Variants in ROR2 observed in about 807,000 individuals in gnomAD.
ROR2 encodes tyrosine-protein kinase transmembrane receptor ROR2.
ROR2 carries 33 observed loss-of-function variants against 74.9 expected under a neutral mutation model. That is an observed-to-expected ratio of 0.44 (90% CI 0.33 to 0.59). The LOEUF (loss-of-function observed/expected upper bound fraction) is 0.59. Among genes scored for constraint, ROR2 ranks in the 20% least tolerant of loss-of-function variants. The pLI is 0.02. For missense variants in ROR2, 1,216 were observed against 1,313.8 expected, an observed-to-expected ratio of 0.93 and a Z score of 1.15; for synonymous variants, 586 against 558.7, an observed-to-expected ratio of 1.05 and a Z score of -0.69.
intron 1 of ROR2, among the ~76,000 whole-genome samples, chr9:91,920,778 A>G (rs1322472105): frequency 6.6e-6 from 1 of 152,224 alleles, no homozygotes; most frequent in Non-Finnish European, 1.5e-5. Flanking sequence ...TGACAGAGCT[A>G]CAGGCAGAAG....
intron 1 of ROR2, among the ~76,000 whole-genome samples, chr9:91,813,432 C>T (rs528530770): frequency 2.6e-4 from 39 of 152,248 alleles, no homozygotes; most frequent in South Asian, 1.2e-3. Flanking sequence ...TTGGGGCTGG[C>T]GCGTCTGGGT....
At chr9:91,792,303 C>CTTTTTTTTTTTTT (rs1358505448) in intron 1 of ROR2, among the ~76,000 whole-genome samples, 1 of 142,332 alleles carries the variant, frequency 7.0e-6, no homozygotes. Flanking sequence ...AAAGTTGGTT[C>CTTTTTTTTTTTTT]TATTTTTTTT....
In ROR2 at chr9:91,881,081, G is replaced by C. The variant is rs557438843; in HGVS notation, c.97+68786C>G. Among the ~76,000 whole-genome samples, 26 of 152,300 alleles carry C rather than the reference G, an allele frequency of 1.7e-4. No individual in the cohort carries two copies. In the South Asian group the frequency reaches 4.6e-3, roughly 27 times the overall value. ...GCCGCTTACTTTCAGATGGCTAGAG[G>C]GGGGAGAAGGAACTTCCATATACTC... is the stretch of plus-strand genomic sequence containing the variant. On this transcript the variant is annotated intron_variant, in intron 1 of 8. Transcript: ENST00000375708.
intron 4 of ROR2, among the ~76,000 whole-genome samples, chr9:91,745,426 A>ATTTTTTTTTT (rs72432798): frequency 1.0e-5 from 1 of 99,736 alleles, no homozygotes; most frequent in Non-Finnish European, 1.8e-5. Context: ...TGCCCAGCCT[A>ATTTTTTTTTT]TTTTTTTTTT....
At chr9:91,898,014 A>C (rs1471033975) in intron 1 of ROR2, among the ~76,000 whole-genome samples, 1 of 151,846 alleles carries the variant, frequency 6.6e-6, no homozygotes, top group Non-Finnish European at 1.5e-5. Context: ...CTCCATCCTG[A>C]CCTTGCCACG....
chr9:91,824,273 C>A (rs1828219511), intron 1 of ROR2, among the ~76,000 whole-genome samples: 4 of 152,180 alleles, frequency 2.6e-5, no homozygotes, highest in African/African-American at 9.6e-5. Flanking sequence ...ACATCCAAGC[C>A]CCTTGGATTA....
At chr9:91,868,844 C>T (rs1829713417) in intron 1 of ROR2, among the ~76,000 whole-genome samples, 1 of 152,220 alleles carries the variant, frequency 6.6e-6, no homozygotes, top group East Asian at 1.9e-4. Flanking sequence ...GAATTAATAC[C>T]AGAAAGAGAA....
At chr9:91,836,136 CTTTCCTTT>C (rs1048548469) in intron 1 of ROR2, among the ~76,000 whole-genome samples, 2 of 152,192 alleles carry the variant, frequency 1.3e-5, no homozygotes, top group Admixed American at 1.3e-4. Context: ...TGGCCTCCTT[CTTTCCTTT>C]GTCATCTGGT....
In ROR2 at chr9:91,725,074, T is replaced by C; in HGVS notation, c.1420A>G (p.Arg474Gly). 6.2e-7 allele frequency: 1 copy of C among 1,613,926 alleles called. No homozygotes were observed. The highest frequency in any genetic ancestry group is 8.5e-7 in the Non-Finnish European group (1 of 1,179,992). The change falls in exon 9 of 9, where the codon AGG (arginine) becomes GGG (glycine). Residue 474 changes from arginine (R) to glycine (G), a missense_variant. Transcript: ENST00000375708. ...KLKEISLSAV[R>G]FMEELGEDRF... ...TCCTCTCCCAGCTCCTCCATGAACCTCACCGCAGACAGGCTGATCTCTTTG... is the reference window on the plus strand; with the variant it reads ...TCCTCTCCCAGCTCCTCCATGAACCCCACCGCAGACAGGCTGATCTCTTTG...
At chr9:91,815,732 T>C (rs767671714) in intron 1 of ROR2, among the ~76,000 whole-genome samples, 5 of 152,248 alleles carry the variant, frequency 3.3e-5, no homozygotes, top group African/African-American at 1.2e-4. Flanking sequence ...TTTCACAGGA[T>C]GCCAAACCAC....
intron 1 of ROR2, among the ~76,000 whole-genome samples, chr9:91,898,160 T>C (rs1356822537): frequency 6.6e-6 from 1 of 152,228 alleles, no homozygotes; most frequent in African/African-American, 2.4e-5. Flanking sequence ...TTTGCCAATT[T>C]AGTGAAGCAT....
chr9:91,837,816 G>A (rs150875076), intron 1 of ROR2, among the ~76,000 whole-genome samples: 79 of 152,280 alleles, frequency 5.2e-4, no homozygotes, highest in African/African-American at 1.9e-3. Context: ...ACTGTTGTAG[G>A]TTTTTTAATT....
chr9:91,830,632 ATGGTCT>A (rs1828434200), intron 1 of ROR2, among the ~76,000 whole-genome samples: 1 of 152,216 alleles, frequency 6.6e-6, no homozygotes, highest in Non-Finnish European at 1.5e-5. Context: ...ATAGTGGGCA[ATGGTCT>A]TGTTTATTTG....
rs541093818 is a variant in ROR2, at chr9:91,847,822, G to C, written c.98-72004C>G. 1.9e-4 allele frequency among the ~76,000 whole-genome samples: 29 copies of C among 151,764 alleles called. No homozygotes were observed. The South Asian group carries it at 5.7e-3, about 30-fold the overall frequency. On this transcript the variant is annotated intron_variant, in intron 1 of 8. Coordinates refer to ENST00000375708, the MANE Select transcript of ROR2 (RefSeq NM_004560.4). ...ACTCCCCAGAACTCAAGTTCCGCTC[G>C]ACCAAGCTCAAGTCAGGCTTTGATC...
chr9:91,949,668 G>A (rs1050796401), intron 1 of ROR2, among the ~76,000 whole-genome samples, 199 bp downstream of exon 1: 5 of 152,182 alleles, frequency 3.3e-5, no homozygotes, highest in Admixed American at 3.3e-4. Context: ...CCAGAGCGCG[G>A]CTTATTGTAA....
chr9:91,756,743 CTTTTTTTTTTT>C (rs557043787), intron 3 of ROR2, among the ~76,000 whole-genome samples: 2 of 104,066 alleles, frequency 1.9e-5, no homozygotes, highest in East Asian at 2.8e-4. Flanking sequence ...TTTTTGTTCT[CTTTTTTTTTTT>C]TTTTTTTTTT....
chr9:91,850,670 G>A (rs575323030), intron 1 of ROR2, among the ~76,000 whole-genome samples: 4 of 152,272 alleles, frequency 2.6e-5, no homozygotes, highest in Admixed American at 2.0e-4. Flanking sequence ...AATTTGTCTT[G>A]TTTTAAGCAA....
At chr9:91,807,660 G>C (rs1308747058) in intron 1 of ROR2, among the ~76,000 whole-genome samples, 1 of 152,168 alleles carries the variant, frequency 6.6e-6, no homozygotes, top group Non-Finnish European at 1.5e-5. Context: ...CAGGTAGACA[G>C]TGTCTAAAGT....
At chr9:91,776,873 T>G (rs1437010951) in intron 1 of ROR2, among the ~76,000 whole-genome samples, 2 of 152,246 alleles carry the variant, frequency 1.3e-5, no homozygotes, top group Non-Finnish European at 2.9e-5. Context: ...ACAAATGGTC[T>G]GAAACACTCA....
Sources: allele counts gnomAD v4.1 joint callset (sites outside exome capture counted in the v4.1 genomes callset), GRCh38; gene constraint gnomAD v4.1.1; transcripts MANE v1.5; gene names NCBI Gene and HGNC (gene_info 2026-07-23, HGNC 2026-07-21).